The following DOCK9 variants were observed in gnomAD, a reference collection of about 807,000 sequenced individuals.
The protein encoded by DOCK9 is dedicator of cytokinesis 9, also known as dedicator of cytokinesis protein 9.
DOCK9 carries 89 observed loss-of-function variants against 263.3 expected under a neutral mutation model. The observed-to-expected ratio is 0.34, with a 90% CI of 0.28 to 0.40. DOCK9 has a LOEUF of 0.40. Among genes scored for constraint, DOCK9 ranks in the 10% least tolerant of loss-of-function variants. DOCK9 has a pLI of 1.00. For missense variants in DOCK9, 2,140 were observed against 2,603.4 expected (o/e 0.82, Z 3.87); for synonymous variants, 976 against 973.1 (o/e 1.00, Z -0.06).
intron 1 of DOCK9, among the ~76,000 whole-genome samples, chr13:98,966,901 G>C (rs1429646147): frequency 6.6e-6 from 1 of 152,132 alleles, no homozygotes; most frequent in African/African-American, 2.4e-5. Context: ...TTGGTCCTGG[G>C]CTAGCATCAG....
At chr13:99,038,242 T>C (rs1215261366) in intron 1 of DOCK9, among the ~76,000 whole-genome samples, 2 of 150,038 alleles carry the variant, frequency 1.3e-5, no homozygotes, top group African/African-American at 4.9e-5. Context: ...GTCTTTATAA[T>C]TAACCGGAAA....
chr13:98,853,323 G>T, intron 35 of DOCK9, 85 bp downstream of exon 35: 1 of 798,426 alleles, frequency 1.3e-6, no homozygotes, highest in Non-Finnish European at 2.0e-6. Context: ...TGAAATCTTT[G>T]TATCATTTCA....
intron 25 of DOCK9, among the ~76,000 whole-genome samples, chr13:98,881,237 A>C (rs893475931): frequency 2.6e-5 from 4 of 152,212 alleles, no homozygotes; most frequent in African/African-American, 9.6e-5. Context: ...AAGAAAAAAA[A>C]AAAGGAAGAC....
intron 38 of DOCK9, among the ~76,000 whole-genome samples, chr13:98,841,245 G>A (rs753785300): frequency 1.4e-4 from 21 of 152,212 alleles, no homozygotes; most frequent in Non-Finnish European, 2.8e-4. Flanking sequence ...TCAGGAGGTA[G>A]GCGTCATACC....
chr13:98,801,696 A>AT (rs980577408), intron 49 of DOCK9, among the ~76,000 whole-genome samples: 5 of 151,922 alleles, frequency 3.3e-5, no homozygotes, highest in Non-Finnish European at 5.9e-5. Context: ...AAAGCTTATT[A>AT]TTTTTTTTGA....
At chr13:98,910,384 G>A (rs761276733) in intron 9 of DOCK9, among the ~76,000 whole-genome samples, 10 of 152,172 alleles carry the variant, frequency 6.6e-5, no homozygotes, top group African/African-American at 1.7e-4. Flanking sequence ...AAAAGAACCA[G>A]TTTTAGGGTA....
At chr13:99,008,185 C>CG (rs1269274928) in intron 1 of DOCK9, among the ~76,000 whole-genome samples, 1 of 100,996 alleles carries the variant, frequency 9.9e-6, no homozygotes, top group African/African-American at 3.9e-5. Flanking sequence ...TATTGTGCAG[C>CG]CTCTCTCTCT....
intron 1 of DOCK9, among the ~76,000 whole-genome samples, chr13:99,051,080 C>T (rs530935906): frequency 6.6e-6 from 1 of 152,148 alleles, no homozygotes; most frequent in Non-Finnish European, 1.5e-5. Flanking sequence ...CTCCATCCAG[C>T]AATAAAGGGC....
At position 98,815,176 on chromosome 13, in the gene DOCK9, C is replaced by T. The variant is rs2091732651; in HGVS notation, c.5131-4885G>A. On this transcript the variant is annotated intron_variant, in intron 45 of 52. Coordinates refer to ENST00000682017, the MANE Select transcript of DOCK9 (RefSeq NM_001366683.2). ...AGGAAATAAGCTAAGATTCCCTTTA[C>T]CAAAGCCTTGCATTTCTGGCCTATC... Among the ~76,000 whole-genome samples, 3 of 151,830 alleles carry T rather than the reference C, an allele frequency of 2.0e-5. No homozygotes were observed. In the South Asian group the frequency reaches 6.3e-4, roughly 32 times the overall value.
chr13:99,026,882 G>T (rs906831315), intron 1 of DOCK9, among the ~76,000 whole-genome samples: 6 of 151,726 alleles, frequency 4.0e-5, no homozygotes, highest in Non-Finnish European at 8.8e-5. Context: ...ATTACATAAA[G>T]AGCACAGTGC....
rs77110528 is a variant in DOCK9, at chr13:98,997,297, G to A, written c.130-41746C>T. Among the ~76,000 whole-genome samples, 1,086 of 152,342 alleles carry A rather than the reference G, an allele frequency of 7.1e-3. 34 individuals are homozygous for A. In the East Asian group the frequency reaches 0.09, roughly 13 times the overall value. ...ACTTTCCTCTGGTTATTCAGGCAGG[G>A]TTCGCCCACCCCACGCCCAGAGGCA... On this transcript the variant is annotated intron_variant, in intron 1 of 32. Coordinates refer to the DOCK9 transcript ENST00000427887.
intron 1 of DOCK9, among the ~76,000 whole-genome samples, chr13:99,022,073 A>G (rs1424476237): frequency 1.3e-5 from 2 of 152,228 alleles, no homozygotes; most frequent in Non-Finnish European, 2.9e-5. Context: ...TTTCAGGAAC[A>G]TAATCTTCAA....
chr13:98,981,789 CT>C (rs1877278058), upstream of DOCK9, among the ~76,000 whole-genome samples: 1 of 152,220 alleles, frequency 6.6e-6, no homozygotes, highest in Admixed American at 6.5e-5. Context: ...GATGTGGTTT[CT>C]CCAAAGGGCT....
At chr13:98,904,998 G>A (rs1455913327) in intron 9 of DOCK9, among the ~76,000 whole-genome samples, 1 of 152,212 alleles carries the variant, frequency 6.6e-6, no homozygotes, top group Admixed American at 6.5e-5. Context: ...TGTCAAGAAA[G>A]GCTTCATAAA....
At chr13:98,816,962 A>T (rs1237190437) in intron 45 of DOCK9, among the ~76,000 whole-genome samples, 1 of 152,166 alleles carries the variant, frequency 6.6e-6, no homozygotes, top group Admixed American at 6.5e-5. Flanking sequence ...AACATAAATT[A>T]ATAATCAACT....
intron 10 of DOCK9, among the ~76,000 whole-genome samples, chr13:98,904,071 T>A (rs1319309941): frequency 6.6e-6 from 1 of 152,224 alleles, no homozygotes; most frequent in African/African-American, 2.4e-5. Context: ...ACAATGAGAA[T>A]GTATTTAATG....
At chr13:99,055,498 T>C (rs2040876620) in intron 1 of DOCK9, among the ~76,000 whole-genome samples, 1 of 151,946 alleles carries the variant, frequency 6.6e-6, no homozygotes, top group South Asian at 2.1e-4. Context: ...TGCTTAACTG[T>C]GGAGGGGACC....
chr13:98,920,610 T>C (rs1566966818), intron 7 of DOCK9, among the ~76,000 whole-genome samples: 1 of 152,238 alleles, frequency 6.6e-6, no homozygotes, highest in Non-Finnish European at 1.5e-5. Flanking sequence ...TGAGATACTA[T>C]GAAGTGTTTT....
intron 27 of DOCK9, among the ~76,000 whole-genome samples, chr13:98,873,041 C>T (rs2094229547): frequency 6.6e-6 from 1 of 152,160 alleles, no homozygotes; most frequent in Admixed American, 6.5e-5. Context: ...CTCTCCAATG[C>T]CTTGCTCACC....
Sources: gnomAD v4.1 joint callset for allele counts (sites outside exome capture counted in the v4.1 genomes callset) on GRCh38, gnomAD v4.1.1 for gene constraint, MANE v1.5 for transcripts, NCBI Gene and HGNC (gene_info 2026-07-23, HGNC 2026-07-21) for gene names.